Variants in SNCAIP observed in about 807,000 individuals in gnomAD.
The protein encoded by SNCAIP is synphilin-1.
Under a neutral mutation model 86.7 loss-of-function variants are expected in SNCAIP, and 43 were observed. That is an observed-to-expected ratio of 0.50 (90% CI 0.39 to 0.64). The LOEUF is 0.64. Ranked by LOEUF, SNCAIP falls within the 30% of genes least tolerant of loss-of-function variation. SNCAIP has a pLI of 0.00. For missense variants in SNCAIP, 981 were observed against 1,103.1 expected (o/e 0.89, Z 1.57); for synonymous variants, 417 against 427.2 (o/e 0.98, Z 0.29).
At chr5:122,400,840 A>G in intron 2 of SNCAIP, 1 of 796,692 alleles carries the variant, frequency 1.3e-6, no homozygotes, top group Middle Eastern at 2.7e-4. Flanking sequence ...GTGGAAAAGA[A>G]GTCTGGAAAA....
chr5:122,341,121 G>A (rs1443819716), intron 1 of SNCAIP, among the ~76,000 whole-genome samples: 1 of 152,204 alleles, frequency 6.6e-6, no homozygotes, highest in African/African-American at 2.4e-5. Flanking sequence ...TCTAGTGCCA[G>A]AAATTTCTAC....
chr5:122,448,670 T>TATTATATATATTATATACATATATATAA (rs1782969436), intron 8 of SNCAIP, among the ~76,000 whole-genome samples: 1 of 97,566 alleles, frequency 1.0e-5, no homozygotes, highest in Non-Finnish European at 2.4e-5. Context: ...ATTATATATA[T>TATTATATATATTATATACATATATATAA]TATATATGTT....
intron 1 of SNCAIP, among the ~76,000 whole-genome samples, chr5:122,386,626 G>A (rs994782046): frequency 2.0e-5 from 3 of 152,144 alleles, no homozygotes; most frequent in Admixed American, 6.5e-5. Context: ...AAAGAAGGGA[G>A]CCAAGCTGTC....
intron 1 of SNCAIP, among the ~76,000 whole-genome samples, chr5:122,375,562 C>T (rs1039332719): frequency 2.0e-5 from 3 of 149,430 alleles, no homozygotes; most frequent in Non-Finnish European, 4.4e-5. Context: ...CAAACTGAGA[C>T]CTGGTTCTAA....
chr5:122,357,122 G>A lies in SNCAIP; in HGVS notation c.-46-33967G>A, dbSNP rs531393886. ...CTGCTAAGGTCACTCCCACCTTAAT[G>A]CTTTTGCCCTTGCAGCATCCTCTAC... On this transcript the variant is annotated intron_variant, in intron 1 of 10. Transcript: ENST00000261368. Among the ~76,000 whole-genome samples, 297 of 152,234 alleles carry A rather than the reference G, an allele frequency of 2.0e-3. 1 individual carries two copies. The highest frequency in any genetic ancestry group is 6.6e-3 in the African/African-American group (276 of 41,538).
intron 1 of SNCAIP, among the ~76,000 whole-genome samples, chr5:122,365,677 T>C (rs1213782100): frequency 6.6e-6 from 1 of 152,046 alleles, no homozygotes; most frequent in Non-Finnish European, 1.5e-5. Flanking sequence ...AGACCCTGTC[T>C]CCATAAAAAA....
intron 1 of SNCAIP, among the ~76,000 whole-genome samples, chr5:122,317,612 A>G (rs1284665867): frequency 2.0e-5 from 3 of 152,148 alleles, no homozygotes; most frequent in Non-Finnish European, 4.4e-5. Context: ...GAGTGAAGGA[A>G]GTACATGGGA....
At chr5:122,380,150 G>T (rs2152813416) in intron 1 of SNCAIP, among the ~76,000 whole-genome samples, 1 of 152,240 alleles carries the variant, frequency 6.6e-6, no homozygotes, top group East Asian at 1.9e-4. Flanking sequence ...GTAGAATTCG[G>T]CTGTGAATCC....
intron 1 of SNCAIP, among the ~76,000 whole-genome samples, chr5:122,361,606 A>G (rs558230716): frequency 6.6e-6 from 1 of 152,266 alleles, no homozygotes; most frequent in African/African-American, 2.4e-5. Context: ...ATGATTTTAC[A>G]TCCCTATGTA....
intron 3 of SNCAIP, among the ~76,000 whole-genome samples, chr5:122,419,810 CAATAA>C (rs1235968468): frequency 6.6e-6 from 1 of 151,954 alleles, no homozygotes; most frequent in Non-Finnish European, 1.5e-5. Flanking sequence ...TATTATATTG[CAATAA>C]AATAAAAGTA....
rs569236487 is a variant in SNCAIP, at chr5:122,436,068, G to A, written c.1296+3986G>A. ...ACAGAGTCAGGGGTCATGAGGGGAT[G>A]CGCAATTGTGGATATCCATACTCAA... On this transcript the variant is annotated intron_variant, in intron 6 of 10. Transcript: ENST00000261368. 1.1e-4 allele frequency among the ~76,000 whole-genome samples: 17 copies of A among 152,140 alleles called. 1 individual carries two copies. The highest frequency in any genetic ancestry group is 2.4e-4 in the Non-Finnish European group (16 of 68,040).
intron 1 of SNCAIP, among the ~76,000 whole-genome samples, chr5:122,358,623 C>T (rs1238216882): frequency 6.6e-6 from 1 of 152,042 alleles, no homozygotes; most frequent in Non-Finnish European, 1.5e-5. Flanking sequence ...CTCACTAAAG[C>T]TTACAGTTAC....
At chr5:122,430,880 C>G (rs1162037275) in intron 5 of SNCAIP, among the ~76,000 whole-genome samples, 1 of 151,910 alleles carries the variant, frequency 6.6e-6, no homozygotes, top group East Asian at 1.9e-4. Context: ...GGATATTTTA[C>G]TTTCTGTATC....
chr5:122,357,480 C>T (rs1036172106), intron 1 of SNCAIP, among the ~76,000 whole-genome samples: 5 of 152,152 alleles, frequency 3.3e-5, no homozygotes, highest in East Asian at 1.9e-4. Flanking sequence ...GTGATCGGCC[C>T]GCCTCAGACT....
chr5:122,317,836 C>A (rs566565501), intron 1 of SNCAIP, among the ~76,000 whole-genome samples: 1 of 152,126 alleles, frequency 6.6e-6, no homozygotes, highest in Non-Finnish European at 1.5e-5. Flanking sequence ...TCGATCTGAC[C>A]TTCTCCCTTT....
intron 1 of SNCAIP, among the ~76,000 whole-genome samples, chr5:122,354,641 T>A (rs377616651): frequency 6.6e-6 from 1 of 152,220 alleles, no homozygotes; most frequent in Non-Finnish European, 1.5e-5. Context: ...GAAGTAATCA[T>A]GTTAATATTA....
At chr5:122,458,299 C>T (rs560826083) in intron 10 of SNCAIP, among the ~76,000 whole-genome samples, 21 of 152,258 alleles carry the variant, frequency 1.4e-4, no homozygotes, top group African/African-American at 4.3e-4. Flanking sequence ...TTCAACAAGC[C>T]GCTCCTGATT....
intron 1 of SNCAIP, among the ~76,000 whole-genome samples, chr5:122,354,395 G>A (rs948026525): frequency 3.3e-5 from 5 of 152,262 alleles, no homozygotes; most frequent in East Asian, 1.9e-4. Context: ...GATTTCTTGC[G>A]AGTGCTCCTC....
chr5:122,387,524 CCACTCTTGTTGGCCT>C (rs1768437178), intron 1 of SNCAIP, among the ~76,000 whole-genome samples: 1 of 152,128 alleles, frequency 6.6e-6, no homozygotes, highest in Admixed American at 6.5e-5. Context: ...AGGTATAAAC[CCACTCTTGTTGGCCT>C]CAGTAGGTTG....
Sources: gnomAD v4.1 joint callset for allele counts (sites outside exome capture counted in the v4.1 genomes callset) on GRCh38, gnomAD v4.1.1 for gene constraint, MANE v1.5 for transcripts, NCBI Gene and HGNC (gene_info 2026-07-23, HGNC 2026-07-21) for gene names.